Variants in STXBP4 observed in about 807,000 individuals in gnomAD.
STXBP4 encodes the protein syntaxin-binding protein 4.
A neutral mutation model predicts 76.1 loss-of-function variants in STXBP4; 55 were observed. The observed-to-expected ratio is 0.72, with a 90% CI of 0.58 to 0.91. The LOEUF (loss-of-function observed/expected upper bound fraction) is 0.91, where lower values mean the gene tolerates loss of function less well. Ranked by LOEUF, STXBP4 falls within the 40% of genes least tolerant of loss-of-function variation. The pLI, the probability that STXBP4 is intolerant of heterozygous loss-of-function variation, is 0.00. For missense variants in STXBP4, 618 were observed against 636.9 expected, an observed-to-expected ratio of 0.97 and a Z score of 0.32; for synonymous variants, 201 against 220.2, an observed-to-expected ratio of 0.91 and a Z score of 0.77.
the STXBP4 span, among the ~76,000 whole-genome samples, chr17:55,186,010 A>G: frequency 6.6e-6 from 1 of 152,328 alleles, no homozygotes; most frequent in South Asian, 2.1e-4. Context: ...CCTGAAGATG[A>G]TGGTGCATAA....
At chr17:55,180,577 T>C in the STXBP4 span, among the ~76,000 whole-genome samples, 6 of 152,204 alleles carry the variant, frequency 3.9e-5, no homozygotes, top group African/African-American at 1.4e-4. Context: ...GAATTACAAT[T>C]TAGAGATGAG....
At chr17:55,143,733 C>G (rs1049721962) in intron 17 of STXBP4, among the ~76,000 whole-genome samples, 1 of 152,130 alleles carries the variant, frequency 6.6e-6, no homozygotes, top group African/African-American at 2.4e-5. Context: ...TTATCCTAAC[C>G]CCATTGCTTT....
chr17:55,146,596 A>G (rs1416323448), intron 17 of STXBP4, among the ~76,000 whole-genome samples: 1 of 152,216 alleles, frequency 6.6e-6, no homozygotes, highest in Non-Finnish European at 1.5e-5. Flanking sequence ...TGGTGCCTGT[A>G]GTCCCAGCTA....
At chr17:55,201,722 A>G in the STXBP4 span, among the ~76,000 whole-genome samples, 1 of 152,042 alleles carries the variant, frequency 6.6e-6, no homozygotes, top group Admixed American at 6.6e-5. Flanking sequence ...GGTAAGTCTC[A>G]CTAGGAGATC....
At chr17:55,023,852 A>C (rs535295809) in intron 8 of STXBP4, among the ~76,000 whole-genome samples, 117 of 146,486 alleles carry the variant, frequency 8.0e-4, no homozygotes, top group African/African-American at 2.6e-3. Context: ...TTCAGTTGGA[A>C]TTCTAGAACT....
intron 16 of STXBP4, among the ~76,000 whole-genome samples, chr17:55,125,598 T>G (rs1005696910): frequency 4.6e-5 from 7 of 152,080 alleles, no homozygotes; most frequent in Non-Finnish European, 7.4e-5. Flanking sequence ...GTTTCCTGTT[T>G]GTCCTACTTT....
chr17:55,157,286 C>T (rs551677442), intron 17 of STXBP4, among the ~76,000 whole-genome samples: 20 of 152,280 alleles, frequency 1.3e-4, no homozygotes, highest in African/African-American at 4.6e-4. Flanking sequence ...TAGTTTTAGA[C>T]ATGTACTTTG....
chr17:55,141,549 G>C (rs531154007), intron 17 of STXBP4, among the ~76,000 whole-genome samples, 182 bp downstream of exon 17: 32 of 152,126 alleles, frequency 2.1e-4, no homozygotes, highest in Middle Eastern at 3.4e-3. Context: ...ATATCATTTG[G>C]GGGAAAAAAC....
rs142142125 is a variant in STXBP4, at chr17:55,020,134, G to A, written c.667-11034G>A. 2.9e-4 allele frequency among the ~76,000 whole-genome samples: 44 copies of A among 152,060 alleles called. No individual in the cohort carries two copies. In the East Asian group the frequency reaches 5.0e-3, roughly 17 times the overall value. On this transcript the variant is annotated intron_variant, in intron 8 of 17. Transcript: ENST00000376352. ...TAATTCTCTTTATTATCTGTTACCC[G>A]TTCAATTACATATTTATTAGACAGA...
intron 3 of STXBP4, among the ~76,000 whole-genome samples, chr17:54,987,692 T>C (rs1209782776): frequency 1.3e-5 from 2 of 152,236 alleles, no homozygotes; most frequent in Admixed American, 1.3e-4. Context: ...AGTCATTTTC[T>C]ATTTTTTGCC....
At chr17:55,062,918 CTT>C (rs999463497) in intron 12 of STXBP4, among the ~76,000 whole-genome samples, 2 of 152,198 alleles carry the variant, frequency 1.3e-5, no homozygotes, top group Admixed American at 1.3e-4. Context: ...TTAAAAATCT[CTT>C]TGAGAAAAGA....
the STXBP4 span, among the ~76,000 whole-genome samples, chr17:55,195,651 G>A: frequency 6.6e-6 from 1 of 152,132 alleles, no homozygotes; most frequent in Non-Finnish European, 1.5e-5. Context: ...GCCCAGGCTG[G>A]TCTTGAACTC....
At chr17:55,181,835 T>G in the STXBP4 span, among the ~76,000 whole-genome samples, 1 of 152,122 alleles carries the variant, frequency 6.6e-6, no homozygotes, top group South Asian at 2.1e-4. Flanking sequence ...GAACAGAAAT[T>G]TTAACAGATT....
At position 54,999,701 on chromosome 17, in the gene STXBP4, A is replaced by C; in HGVS notation, c.357A>C (p.Ser119=). The C allele has an allele frequency of 6.2e-7, 1 of 1,613,808 alleles. No individual in the cohort carries two copies. The highest frequency in any genetic ancestry group is 8.5e-7 in the Non-Finnish European group (1 of 1,179,842). ...KSDNIQPENL[S]CTSLIEASGE... is the part of the protein sequence containing the mutation. ...ACAACATTCAGCCAGAAAATCTGTCATGTACATCACTTATAGAAGCTTCAG... is the reference window on the plus strand; with the variant it reads ...ACAACATTCAGCCAGAAAATCTGTCCTGTACATCACTTATAGAAGCTTCAG... Residue 119 remains serine, a synonymous_variant, in exon 6 of 18, where the codon TCA becomes TCC. Transcript: ENST00000376352.
chr17:55,112,581 A>G (rs1256351645), intron 16 of STXBP4, among the ~76,000 whole-genome samples: 1 of 152,168 alleles, frequency 6.6e-6, no homozygotes, highest in African/African-American at 2.4e-5. Context: ...AGGAGTCAGC[A>G]GGAAGGACAG....
rs745496934 is a variant in STXBP4, at chr17:55,081,046, A to G, written c.1356-4A>G. The G allele has an allele frequency of 4.9e-5, 73 of 1,481,540 alleles. No individual in the cohort carries two copies. The highest frequency in any genetic ancestry group is 6.5e-5 in the Non-Finnish European group (73 of 1,120,392). 91.8% of individuals were successfully genotyped at this position (1,481,540 alleles called of 1,614,324 possible). On this transcript the variant is annotated splice_polypyrimidine_tract_variant and splice_region_variant and intron_variant, in intron 15 of 17. Transcript: ENST00000376352. The stretch of plus-strand genomic sequence containing the variant: ...AGTTCAACTTTATTTTATTGCCTTC[A>G]TAGTGAAAGAAGAGCTGTGTTAGCT...
intron 8 of STXBP4, among the ~76,000 whole-genome samples, chr17:55,020,447 C>A (rs1567722408): frequency 6.6e-6 from 1 of 151,552 alleles, no homozygotes; most frequent in African/African-American, 2.4e-5. Flanking sequence ...GCTGTCAAAT[C>A]TGTTTGTTTG....
intron 17 of STXBP4, among the ~76,000 whole-genome samples, chr17:55,154,586 C>T (rs1401943440): frequency 6.6e-6 from 1 of 151,874 alleles, no homozygotes; most frequent in African/African-American, 2.4e-5. Context: ...TAAGAGTTAC[C>T]CAGGGCTGTA....
chr17:55,030,202 A>G (rs973912493), intron 8 of STXBP4, among the ~76,000 whole-genome samples: 1 of 152,144 alleles, frequency 6.6e-6, no homozygotes, highest in Non-Finnish European at 1.5e-5. Context: ...GAGGTTTCAG[A>G]GTATCAGGGA....
Sources: allele counts gnomAD v4.1 joint callset (sites outside exome capture counted in the v4.1 genomes callset), GRCh38; gene constraint gnomAD v4.1.1; transcripts MANE v1.5; gene names NCBI Gene and HGNC (gene_info 2026-07-23, HGNC 2026-07-21).